The following PLXND1 variants were observed in gnomAD, a reference collection of about 807,000 sequenced individuals.
PLXND1 encodes the protein plexin D1.
Under a neutral mutation model 197.7 loss-of-function variants are expected in PLXND1, and 54 were observed. The ratio of observed to expected loss-of-function variants is 0.27; its 90% CI spans 0.22 to 0.34. The LOEUF (loss-of-function observed/expected upper bound fraction) is 0.34, where lower values mean the gene tolerates loss of function less well. PLXND1 is among the 10% of genes least tolerant of loss of function. The pLI, the probability that PLXND1 is intolerant of heterozygous loss-of-function variation, is 1.00. For missense variants in PLXND1, 2,127 were observed against 2,699.2 expected (o/e 0.79, Z 4.70); for synonymous variants, 1,180 against 1,161.2 (o/e 1.02, Z -0.33).
intron 11 of PLXND1, 141 bp from the exon 12 acceptor site, chr3:129,574,631 G>C (rs2085286211): frequency 1.1e-6 from 1 of 873,190 alleles, no homozygotes; most frequent in South Asian, 1.8e-5. Context: ...CCTGATTCTG[G>C]GGGTCAGGAT....
In PLXND1 at chr3:129,567,683, G is replaced by A. The variant is rs767368583; in HGVS notation, c.3973+15C>T. ...GAAAGTTGAGGCCCAGCCCTGCAGG[G>A]TCCCCGCCCACTACCTTTGCGGATT... On this transcript the variant is annotated intron_variant, in intron 21 of 35. Coordinates refer to ENST00000324093, the MANE Select transcript of PLXND1 (RefSeq NM_015103.3). The A allele has an allele frequency of 6.3e-7, 1 of 1,586,840 alleles. No individual in the cohort carries two copies. The highest frequency in any genetic ancestry group is 2.2e-5 in the East Asian group (1 of 44,704).
intron 12 of PLXND1, 71 bp downstream of exon 12, chr3:129,574,265 G>A: frequency 7.0e-7 from 1 of 1,423,960 alleles, no homozygotes; most frequent in East Asian, 2.5e-5. Context: ...CAAGAAGTGG[G>A]ACCCTCGAGG....
In PLXND1 at chr3:129,582,773, C is replaced by T. The variant is rs557703939; in HGVS notation, c.2241+794G>A. ...TGTCCATTTTTACTTTATCTTTACA[C>T]TAAAAAGCCTAGATTGATCCATTTT... On this transcript the variant is annotated intron_variant, in intron 8 of 35. Transcript: ENST00000324093. Among the ~76,000 whole-genome samples the T allele has an allele frequency of 3.9e-5, 6 of 152,348 alleles. No individual in the cohort carries two copies. The South Asian group carries it at 1.2e-3, about 32-fold the overall frequency.
At chr3:129,595,042 T>C (rs1203577112) in intron 1 of PLXND1, among the ~76,000 whole-genome samples, 1 of 152,058 alleles carries the variant, frequency 6.6e-6, no homozygotes, top group Non-Finnish European at 1.5e-5. Context: ...CGCCAACTCC[T>C]CCCTCAGCTT....
At chr3:129,588,113 G>A (rs546615655) in intron 2 of PLXND1, among the ~76,000 whole-genome samples, 24 of 152,382 alleles carry the variant, frequency 1.6e-4, no homozygotes, top group African/African-American at 5.0e-4. Context: ...GCTGGAGACA[G>A]AGGCCACACT....
chr3:129,598,868 G>T (rs1278242301), intron 1 of PLXND1, among the ~76,000 whole-genome samples: 1 of 152,158 alleles, frequency 6.6e-6, no homozygotes, highest in African/African-American at 2.4e-5. Flanking sequence ...CTGGACCTCT[G>T]TTTCCCCTTC....
intron 12 of PLXND1, among the ~76,000 whole-genome samples, chr3:129,574,111 C>CA (rs1230644337): frequency 6.6e-6 from 1 of 152,204 alleles, no homozygotes; most frequent in Non-Finnish European, 1.5e-5. Context: ...GCCACACTTC[C>CA]AATGCCTTCT....
chr3:129,592,532 C>T (rs539329306), intron 1 of PLXND1, among the ~76,000 whole-genome samples: 13 of 152,202 alleles, frequency 8.5e-5, no homozygotes, highest in African/African-American at 2.6e-4. Flanking sequence ...GCGGACCAGG[C>T]GCCCAGCTCG....
intron 1 of PLXND1, among the ~76,000 whole-genome samples, chr3:129,600,553 A>G (rs2085692605): frequency 6.6e-6 from 1 of 151,998 alleles, no homozygotes; most frequent in Non-Finnish European, 1.5e-5. Context: ...TGGGACACAC[A>G]GCTTATGGAC....
chr3:129,597,720 T>A (rs938059779), intron 1 of PLXND1, among the ~76,000 whole-genome samples: 1 of 152,216 alleles, frequency 6.6e-6, no homozygotes, highest in Non-Finnish European at 1.5e-5. Context: ...CCCCTGCCAC[T>A]GGATGCCTGT....
In PLXND1 at chr3:129,577,640, G is replaced by C. The variant is rs2085332007; in HGVS notation, c.2346+689C>G. 6.6e-6 allele frequency among the ~76,000 whole-genome samples: 1 copy of C among 152,122 alleles called. No homozygotes were observed. The highest frequency in any genetic ancestry group is 2.1e-4 in the South Asian group (1 of 4,832). On this transcript the variant is annotated intron_variant, in intron 9 of 35. Transcript: ENST00000324093. This position sits in a 1 kb window ranked among gnomAD's most constrained non-coding sequence, Gnocchi z 5.0. The stretch of plus-strand genomic sequence containing the variant: ...CGAGTTCCAGGGAGGTGGGGAGGGG[G>C]GTGGCTGGCACGCCTCCAGGACTCG...
rs2084990979 is a variant in PLXND1 at position 129,557,443 on chromosome 3, C to T, written c.5446-220G>A. The stretch of plus-strand genomic sequence containing the variant: ...TCTGCCCCGCCTACTTTCCCCAGGA[C>T]TGTTAGGACAATGATGTGGGTGGGG... On this transcript the variant is annotated intron_variant, in intron 33 of 35. Coordinates refer to ENST00000324093, the MANE Select transcript of PLXND1 (RefSeq NM_015103.3). The surrounding 1 kb of genome is among the most constrained non-coding windows in gnomAD (Gnocchi z 4.8). Among the ~76,000 whole-genome samples the T allele has an allele frequency of 6.6e-6, 1 of 151,674 alleles. No individual in the cohort carries two copies. Among genetic ancestry groups the T allele is most frequent in the Non-Finnish European group, 1.5e-5 (1 of 68,034 alleles).
intron 20 of PLXND1, among the ~76,000 whole-genome samples, chr3:129,568,266 A>C (rs942441625): frequency 6.6e-6 from 1 of 152,190 alleles, no homozygotes; most frequent in African/African-American, 2.4e-5. Context: ...GCAGATTACA[A>C]AGCAATATTA....
In PLXND1 at chr3:129,574,435, G is replaced by A. The variant is rs369653753; in HGVS notation, c.2586C>T (p.Arg862=). 1.0e-4 allele frequency: 168 copies of A among 1,612,990 alleles called. No individual in the cohort carries two copies. Among genetic ancestry groups the A allele is most frequent in the East Asian group, 1.3e-4 (6 of 44,880 alleles). Residue 862 remains arginine, a synonymous_variant, in exon 12 of 36, where the codon CGC becomes CGT. Coordinates refer to ENST00000324093, the MANE Select transcript of PLXND1 (RefSeq NM_015103.3). ...ACATGCACAGGTGACCCAGGTCTTC[G>A]CGGCCCAGGCACTGGGAACAGTCGG... is the stretch of plus-strand genomic sequence containing the variant. ...GSPDCSQCLG[R]EDLGHLCMWS...
rs771354648 is a variant in PLXND1 at position 129,556,280 on chromosome 3, C to G, written c.*32G>C. 6.9e-7 allele frequency: 1 copy of G among 1,446,930 alleles called. No individual in the cohort carries two copies. The highest frequency in any genetic ancestry group is 1.1e-5 in the South Asian group (1 of 87,262). 89.6% of individuals were successfully genotyped at this position (1,446,930 alleles called of 1,614,324 possible). On this transcript the variant is annotated 3_prime_UTR_variant, in exon 36 of 36. Transcript: ENST00000324093. ...GAGGCCCAGTGGGCGTCCATTTCTCCCAGCAGCAGCCTGACCAACTCTCCA... is the reference window on the plus strand; with the variant it reads ...GAGGCCCAGTGGGCGTCCATTTCTCGCAGCAGCAGCCTGACCAACTCTCCA...
At chr3:129,603,503 C>T (rs1030910871) in intron 1 of PLXND1, among the ~76,000 whole-genome samples, 1 of 152,188 alleles carries the variant, frequency 6.6e-6, no homozygotes, top group African/African-American at 2.4e-5. Context: ...CAGCGACTCC[C>T]CACTGAGACC....
At chr3:129,594,079 C>A (rs1311325281) in intron 1 of PLXND1, among the ~76,000 whole-genome samples, 1 of 152,206 alleles carries the variant, frequency 6.6e-6, no homozygotes, top group Non-Finnish European at 1.5e-5. Flanking sequence ...CCGCAGGTGG[C>A]ACTATGAAAA....
In PLXND1 at chr3:129,570,857, C is replaced by A; in HGVS notation, c.3679G>T (p.Val1227Phe). ...IGQVSCDIQI[V>F]SDRIIHCSVN... is the part of the protein sequence containing the mutation. ...GAGCAGTGGATGATTCTGTCAGAGA[C>A]AATCTGGATGTCGCAGCTTACTTGG... Residue 1227 changes from valine (V) to phenylalanine (F), a missense_variant, in exon 19 of 36, where the codon GTC becomes TTC. Coordinates refer to ENST00000324093, the MANE Select transcript of PLXND1 (RefSeq NM_015103.3). 1 of 1,614,184 alleles carries A rather than the reference C, an allele frequency of 6.2e-7. No homozygotes were observed. The highest frequency in any genetic ancestry group is 8.5e-7 in the Non-Finnish European group (1 of 1,180,010).
rs1486810697 is a variant in PLXND1, at chr3:129,605,936, G to A, written c.704C>T (p.Thr235Met). The change falls in exon 1 of 36, where the codon ACG (threonine) becomes ATG (methionine). Residue 235 changes from threonine (T) to methionine (M), a missense_variant. Coordinates refer to ENST00000324093, the MANE Select transcript of PLXND1 (RefSeq NM_015103.3). ...RSLEDHRFEN[T>M]PEIAIRSLDT... ...CAGGGAGCGGATGGCGATCTCGGGC[G>A]TGTTCTCGAAGCGGTGGTCCTCCAG... is the stretch of plus-strand genomic sequence containing the variant. 6.2e-7 allele frequency: 1 copy of A among 1,613,334 alleles called. No homozygotes were observed. Among genetic ancestry groups the A allele is most frequent in the South Asian group, 1.1e-5 (1 of 91,084 alleles).
Sources: gnomAD v4.1 joint callset for allele counts (sites outside exome capture counted in the v4.1 genomes callset) on GRCh38, gnomAD v4.1.1 for gene constraint, Gnocchi (gnomAD v3.1) non-coding constraint, MANE v1.5 for transcripts, NCBI Gene and HGNC (gene_info 2026-07-23, HGNC 2026-07-21) for gene names.